Variants in KIAA1328 observed in about 807,000 individuals in gnomAD.
KIAA1328 encodes KIAA1328.
A neutral mutation model predicts 68.1 loss-of-function variants in KIAA1328; 52 were observed. That is an observed-to-expected ratio of 0.76 (90% CI 0.61 to 0.96). The LOEUF is 0.96. KIAA1328 is among the 40% of genes least tolerant of loss of function. The probability of loss-of-function intolerance (pLI) is 0.00; values close to 1 mark genes in which losing one functional copy is unlikely to be tolerated. For missense variants in KIAA1328, 641 were observed against 677.6 expected, an observed-to-expected ratio of 0.95 and a Z score of 0.60; for synonymous variants, 232 against 239.4, an observed-to-expected ratio of 0.97 and a Z score of 0.28.
At chr18:36,988,228 C>A (rs978609849) in intron 6 of KIAA1328, among the ~76,000 whole-genome samples, 19 of 152,140 alleles carry the variant, frequency 1.2e-4, no homozygotes, top group Middle Eastern at 3.2e-3. Flanking sequence ...TGAATATTTT[C>A]TCCAGATAAT....
intron 6 of KIAA1328, among the ~76,000 whole-genome samples, chr18:37,017,527 T>C (rs558553668): frequency 2.6e-5 from 4 of 152,182 alleles, no homozygotes; most frequent in Admixed American, 6.5e-5. Flanking sequence ...GTTAGTTTTC[T>C]GCCTCAGTGA....
Position 37,108,222 on chromosome 18 carries a change from C to G in KIAA1328, c.1232+40677C>G, listed in dbSNP as rs1238509724. ...AATGAAGTCATGTCCTTTGCAGCAA[C>G]ATGGATGGAACTGGTGGCTATTATC... On this transcript the variant is annotated intron_variant, in intron 7 of 9. Transcript: ENST00000280020. Among the ~76,000 whole-genome samples the G allele has an allele frequency of 2.0e-5, 3 of 152,154 alleles. No individual in the cohort carries two copies. The East Asian group carries it at 5.8e-4, about 29-fold the overall frequency.
At chr18:36,924,705 T>C (rs2050049226) in intron 5 of KIAA1328, among the ~76,000 whole-genome samples, 1 of 151,986 alleles carries the variant, frequency 6.6e-6, no homozygotes, top group African/African-American at 2.4e-5. Context: ...ATGCAGCATG[T>C]ACAGATCAAA....
At chr18:37,023,192 G>C (rs1381408348) in intron 6 of KIAA1328, among the ~76,000 whole-genome samples, 1 of 152,036 alleles carries the variant, frequency 6.6e-6, no homozygotes, top group Non-Finnish European at 1.5e-5. Flanking sequence ...CACCACACTT[G>C]GACTTCTTCT....
intron 4 of KIAA1328, among the ~76,000 whole-genome samples, chr18:36,884,167 G>A (rs1010683134): frequency 2.6e-5 from 4 of 151,850 alleles, no homozygotes; most frequent in Non-Finnish European, 4.4e-5. Context: ...AACAGGAAAA[G>A]GGAAGGCATT....
intron 5 of KIAA1328, among the ~76,000 whole-genome samples, chr18:36,950,399 T>C (rs569287566): frequency 2.0e-5 from 3 of 152,308 alleles, no homozygotes; most frequent in African/African-American, 7.2e-5. Context: ...ATTTCTATAC[T>C]CATTCCTCTA....
At chr18:37,121,918 C>A (rs1196971210) in intron 7 of KIAA1328, among the ~76,000 whole-genome samples, 3 of 152,088 alleles carry the variant, frequency 2.0e-5, no homozygotes, top group Non-Finnish European at 4.4e-5. Flanking sequence ...ACCAAGGATA[C>A]CCAAATAGTC....
chr18:36,866,346 C>G (rs1435369068), intron 4 of KIAA1328, among the ~76,000 whole-genome samples: 1 of 152,070 alleles, frequency 6.6e-6, no homozygotes, highest in Non-Finnish European at 1.5e-5. Context: ...GCTTGAGCCC[C>G]AACATCCCAC....
intron 6 of KIAA1328, among the ~76,000 whole-genome samples, chr18:36,988,441 G>A (rs1341538748): frequency 6.6e-6 from 1 of 152,106 alleles, no homozygotes; most frequent in Non-Finnish European, 1.5e-5. Flanking sequence ...ACCTGTCATC[G>A]TAACTTGGGA....
chr18:36,953,336 C>A (rs2051244631), intron 5 of KIAA1328, among the ~76,000 whole-genome samples: 2 of 141,000 alleles, frequency 1.4e-5, no homozygotes, highest in African/African-American at 5.2e-5. Context: ...AAATACACAC[C>A]AGAGGGGGCA....
At chr18:36,974,167 T>G (rs1202445120) in intron 6 of KIAA1328, among the ~76,000 whole-genome samples, 1 of 152,204 alleles carries the variant, frequency 6.6e-6, no homozygotes, top group Non-Finnish European at 1.5e-5. Flanking sequence ...GGCTTTTTTC[T>G]TTTTTGATTT....
chr18:37,217,000 T>G (rs1178540079), intron 9 of KIAA1328, among the ~76,000 whole-genome samples: 15 of 150,418 alleles, frequency 1.0e-4, no homozygotes, highest in African/African-American at 3.7e-4. Flanking sequence ...GTTTGTTTTT[T>G]TTTTGCTTTC....
chr18:37,190,628 A>G (rs117431397), intron 9 of KIAA1328, among the ~76,000 whole-genome samples: 6,118 of 152,246 alleles, frequency 0.04, 163 homozygotes, highest in Non-Finnish European at 0.061. Flanking sequence ...GAAAGAGAGA[A>G]AGTTATTATT....
intron 9 of KIAA1328, among the ~76,000 whole-genome samples, chr18:37,189,818 T>C (rs1317451298): frequency 6.6e-6 from 1 of 152,230 alleles, no homozygotes; most frequent in African/African-American, 2.4e-5. Flanking sequence ...TAAGCACTTA[T>C]ATTTCTTTGG....
intron 3 of KIAA1328, among the ~76,000 whole-genome samples, chr18:36,840,729 G>T (rs578092540): frequency 6.6e-6 from 1 of 152,184 alleles, no homozygotes; most frequent in African/African-American, 2.4e-5. Flanking sequence ...GGGATTATAG[G>T]CATGAGCCAC....
intron 7 of KIAA1328, among the ~76,000 whole-genome samples, chr18:37,107,793 C>T (rs323335): frequency 6.6e-6 from 1 of 151,694 alleles, no homozygotes; most frequent in African/African-American, 2.4e-5. Context: ...GTTATAGAAT[C>T]ATCATCAGTG....
intron 7 of KIAA1328, among the ~76,000 whole-genome samples, chr18:37,155,308 G>A (rs537292718): frequency 6.6e-6 from 1 of 152,174 alleles, no homozygotes; most frequent in East Asian, 1.9e-4. Context: ...AAAAGCCATG[G>A]AGTTACTGAT....
intron 7 of KIAA1328, among the ~76,000 whole-genome samples, chr18:37,102,459 A>C (rs963528965): frequency 5.3e-5 from 8 of 152,248 alleles, no homozygotes; most frequent in Non-Finnish European, 8.8e-5. Context: ...GGTATATCAC[A>C]TCAACAAAAC....
intron 5 of KIAA1328, among the ~76,000 whole-genome samples, chr18:36,931,000 A>G (rs933842714): frequency 2.6e-5 from 4 of 151,950 alleles, no homozygotes; most frequent in Non-Finnish European, 4.4e-5. Flanking sequence ...CTTAGTTTCC[A>G]GTTTTTCTTA....
Sources: allele counts gnomAD v4.1 joint callset (sites outside exome capture counted in the v4.1 genomes callset), GRCh38; gene constraint gnomAD v4.1.1; transcripts MANE v1.5; gene names NCBI Gene and HGNC (gene_info 2026-07-23, HGNC 2026-07-21).